NLGN1: variants seen among roughly 807,000 people sequenced by gnomAD.
NLGN1 encodes neuroligin 1.
NLGN1 carries 12 observed loss-of-function variants against 65.5 expected under a neutral mutation model. The observed-to-expected ratio is 0.18, with a 90% CI of 0.12 to 0.30. NLGN1 has a LOEUF of 0.30. NLGN1 is among the 10% of genes least tolerant of loss of function. NLGN1 has a pLI of 1.00. For missense variants in NLGN1, 750 were observed against 1,007.1 expected (o/e 0.74, Z 3.46); for synonymous variants, 350 against 359.5 (o/e 0.97, Z 0.30).
chr3:173,672,369 G>A lies in NLGN1; in HGVS notation c.493+67278G>A, dbSNP rs16829293. 6.5e-3 allele frequency among the ~76,000 whole-genome samples: 991 copies of A among 152,210 alleles called. 14 individuals carry two copies. Among genetic ancestry groups the A allele is most frequent in the African/African-American group, 0.023 (945 of 41,534 alleles). On this transcript the variant is annotated intron_variant, in intron 3 of 6. Transcript: ENST00000457714. Reference sequence around the variant, plus strand: ...TGAGGCAGTAGATGGTTGCTATCAGGGTGAATAAAGACTGGGTGAAATGCT... The same window carrying A: ...TGAGGCAGTAGATGGTTGCTATCAGAGTGAATAAAGACTGGGTGAAATGCT...
At chr3:173,414,391 A>G (rs1713244911) in intron 1 of NLGN1, among the ~76,000 whole-genome samples, 1 of 152,116 alleles carries the variant, frequency 6.6e-6, no homozygotes, top group African/African-American at 2.4e-5. Flanking sequence ...ATTGGACTGG[A>G]GAAGAAGGAA....
chr3:174,127,830 A>G (rs767302753), intron 4 of NLGN1, among the ~76,000 whole-genome samples: 13 of 152,324 alleles, frequency 8.5e-5, no homozygotes, highest in Middle Eastern at 3.4e-3. Context: ...TATTCCAGGC[A>G]TCACAAACAC....
At chr3:173,724,490 G>A (rs912389335) in intron 3 of NLGN1, 1 of 206,058 alleles carries the variant, frequency 4.9e-6, no homozygotes, top group Non-Finnish European at 1.1e-5. Context: ...TACGCAGGCT[G>A]GTCTGGAACT....
chr3:174,054,914 C>T (rs941030002), intron 4 of NLGN1, among the ~76,000 whole-genome samples: 29 of 151,942 alleles, frequency 1.9e-4, no homozygotes, highest in African/African-American at 6.8e-4. Flanking sequence ...AGTTGATGCC[C>T]CCTGCCATTT....
chr3:173,889,567 G>T (rs544118031), intron 4 of NLGN1, among the ~76,000 whole-genome samples: 1 of 152,228 alleles, frequency 6.6e-6, no homozygotes, highest in African/African-American at 2.4e-5. Flanking sequence ...GTAAAAAGGG[G>T]TTTTGTTGTT....
At chr3:173,722,153 C>G (rs2150008478) in intron 3 of NLGN1, among the ~76,000 whole-genome samples, 1 of 151,998 alleles carries the variant, frequency 6.6e-6, no homozygotes, top group East Asian at 1.9e-4. Context: ...GGGTTGATAG[C>G]CTTTGCTGTC....
chr3:173,811,496 G>A (rs930974207), intron 4 of NLGN1, among the ~76,000 whole-genome samples: 2 of 151,138 alleles, frequency 1.3e-5, no homozygotes, highest in African/African-American at 2.4e-5. Flanking sequence ...GAACCTGGGA[G>A]GCAGAGGTTG....
upstream of NLGN1, chr3:173,396,382 A>G (rs1716640954): frequency 2.0e-5 from 3 of 152,192 alleles, no homozygotes; most frequent in African/African-American, 7.2e-5. Flanking sequence ...TCCCGTTTAC[A>G]GAAGCATCTG....
intron 3 of NLGN1, among the ~76,000 whole-genome samples, chr3:173,620,504 T>TA (rs1247418757): frequency 3.3e-5 from 5 of 150,704 alleles, no homozygotes; most frequent in Admixed American, 1.3e-4. Flanking sequence ...GTTAGAATAA[T>TA]AAAAAAATAA....
chr3:173,835,733 A>G (rs1039885840), intron 4 of NLGN1, among the ~76,000 whole-genome samples: 3 of 152,102 alleles, frequency 2.0e-5, no homozygotes, highest in South Asian at 2.1e-4. Context: ...CAATCAAAGA[A>G]TATAAATGTT....
At chr3:173,447,067 A>G (rs944706964) in intron 2 of NLGN1, among the ~76,000 whole-genome samples, 15 of 152,148 alleles carry the variant, frequency 9.9e-5, no homozygotes, top group African/African-American at 3.6e-4. Flanking sequence ...TCTTTAGTTG[A>G]ATTAGAACCC....
At chr3:174,163,381 T>C (rs1461160777) in intron 4 of NLGN1, among the ~76,000 whole-genome samples, 1 of 152,036 alleles carries the variant, frequency 6.6e-6, no homozygotes, top group Non-Finnish European at 1.5e-5. Flanking sequence ...TGTTTTCCCT[T>C]GTATTACACC....
intron 2 of NLGN1, among the ~76,000 whole-genome samples, chr3:173,487,796 CTCTT>C (rs1728409230): frequency 6.6e-6 from 1 of 151,952 alleles, no homozygotes; most frequent in Non-Finnish European, 1.5e-5. Flanking sequence ...TGCCTAATTT[CTCTT>C]TCTTCATTCC....
intron 4 of NLGN1, among the ~76,000 whole-genome samples, chr3:173,845,554 GGATAGATA>G (rs544785368): frequency 6.6e-6 from 1 of 151,394 alleles, no homozygotes; most frequent in Non-Finnish European, 1.5e-5. Flanking sequence ...TAAGATAGAT[GGATAGATA>G]GATAGGTAGA....
rs111664053 is a variant in NLGN1, at chr3:173,420,711, A to G, written c.-389-14299A>G. Among the ~76,000 whole-genome samples the G allele has an allele frequency of 9.8e-3, 1,494 of 152,286 alleles. 26 individuals carry two copies. Among genetic ancestry groups the G allele is most frequent in the African/African-American group, 0.033 (1,389 of 41,554 alleles). ...GTCCCACCAACAGTGTAGTGTTACT[A>G]TATTTTATGTGTGGCCCAAGACAAT... is the stretch of plus-strand genomic sequence containing the variant. On this transcript the variant is annotated intron_variant, in intron 1 of 6. Transcript: ENST00000457714.
At chr3:173,402,828 CTG>C (rs1258678850) in intron 1 of NLGN1, among the ~76,000 whole-genome samples, 1 of 152,188 alleles carries the variant, frequency 6.6e-6, no homozygotes, top group African/African-American at 2.4e-5. Context: ...TAACTTACAA[CTG>C]TCAATGAGAC....
intron 4 of NLGN1, among the ~76,000 whole-genome samples, chr3:173,808,345 A>C (rs1301718649): frequency 6.6e-6 from 1 of 152,128 alleles, no homozygotes; most frequent in Admixed American, 6.6e-5. Context: ...GAATTATTTA[A>C]TTTGAAAAAA....
intron 3 of NLGN1, among the ~76,000 whole-genome samples, chr3:173,765,088 GTGTGTGTGTGTA>G (rs1274094533): frequency 1.3e-4 from 19 of 150,430 alleles, no homozygotes; most frequent in African/African-American, 4.7e-4. Flanking sequence ...GTGTGTGTGT[GTGTGTGTGTGTA>G]TGTATGCACA....
intron 4 of NLGN1, among the ~76,000 whole-genome samples, chr3:173,898,968 G>C (rs1736840874): frequency 6.6e-6 from 1 of 152,136 alleles, no homozygotes; most frequent in Non-Finnish European, 1.5e-5. Context: ...GTTTGATCTG[G>C]GGTAAGGAGT....
Sources: gnomAD v4.1 joint callset for allele counts (sites outside exome capture counted in the v4.1 genomes callset) on GRCh38, gnomAD v4.1.1 for gene constraint, MANE v1.5 for transcripts, NCBI Gene and HGNC (gene_info 2026-07-23, HGNC 2026-07-21) for gene names.